The following TAF6 variants were observed in gnomAD, a reference collection of about 807,000 sequenced individuals.
TAF6 encodes TATA-box binding protein associated factor 6.
In TAF6, 50 loss-of-function variants were observed where a neutral mutation model predicts 73.5. The observed-to-expected ratio is 0.68, with a 90% CI of 0.54 to 0.86. The LOEUF (loss-of-function observed/expected upper bound fraction) is 0.86, where lower values mean the gene tolerates loss of function less well. Among genes scored for constraint, TAF6 ranks in the 40% least tolerant of loss-of-function variants. TAF6 has a pLI of 0.00. For synonymous variants in TAF6, 424 were observed against 376.7 expected, an observed-to-expected ratio of 1.13 and a Z score of -1.45; for missense variants, 768 against 899.5, an observed-to-expected ratio of 0.85 and a Z score of 1.87.
chr7:100,116,771 C>T (rs1797709987), intron 1 of TAF6: 1 of 152,234 alleles, frequency 6.6e-6, no homozygotes, highest in Admixed American at 6.6e-5. Flanking sequence ...CAGACACATA[C>T]ATTCCTTCTG....
chr7:100,117,221 G>A (rs1191654816), intron 1 of TAF6, among the ~76,000 whole-genome samples: 1 of 151,716 alleles, frequency 6.6e-6, no homozygotes, highest in Non-Finnish European at 1.5e-5. Context: ...ACTCCAGCCT[G>A]GCAACAGAGT....
upstream of TAF6, chr7:100,124,727 T>A: frequency 6.2e-7 from 1 of 1,613,754 alleles, no homozygotes; most frequent in Non-Finnish European, 8.5e-7. Context: ...CGATCTAGCA[T>A]GTCTACAGGA....
chr7:100,119,555 G>A, upstream of TAF6: 1 of 1,400,664 alleles, frequency 7.1e-7, no homozygotes, highest in South Asian at 1.4e-5. Flanking sequence ...ACCTTCAAGA[G>A]GCGCCACAAA....
chr7:100,113,521 C>T (rs1797392636), intron 4 of TAF6, 95 bp downstream of exon 4: 2 of 1,550,716 alleles, frequency 1.3e-6, no homozygotes, highest in East Asian at 2.3e-5. Flanking sequence ...AGGGATCTCA[C>T]ACTGAGCTTT....
In TAF6 at chr7:100,111,295, C is replaced by T. The variant is rs1055753704; in HGVS notation, c.927G>A (p.Met309Ile). 4.3e-6 allele frequency: 7 copies of T among 1,613,922 alleles called. No individual in the cohort carries two copies. The highest frequency in any genetic ancestry group is 5.9e-6 in the Non-Finnish European group (7 of 1,179,940). The change falls in exon 10 of 15, where the codon ATG (methionine) becomes ATA (isoleucine). Residue 309 changes from methionine (M) to isoleucine (I), a missense_variant. Physicochemically the swap from Met to Ile is conservative, Grantham distance 10. Transcript: ENST00000453269. ...KYVHELIPAV[M>I]TCIVSRQLCL... is the part of the protein sequence containing the mutation. ...ACAACTGTCTGCTCACGATGCAGGT[C>T]ATCACAGCTGGAATCAGCTCATGGA...
intron 1 of TAF6, among the ~76,000 whole-genome samples, chr7:100,116,975 C>T (rs1797721123): frequency 6.6e-6 from 1 of 152,126 alleles, no homozygotes; most frequent in South Asian, 2.1e-4. Flanking sequence ...GGGCATGGCG[C>T]AGTGGCTCAC....
chr7:100,107,917 T>C lies in TAF6; in HGVS notation c.1656+9A>G. ...CTCCAGATGCTCCCTGTCCCACAGCTCTGCATACCTGCTGGGTGGATGGGG... is the reference window on the plus strand; with the variant it reads ...CTCCAGATGCTCCCTGTCCCACAGCCCTGCATACCTGCTGGGTGGATGGGG... On this transcript the variant is annotated intron_variant, in intron 14 of 14. Coordinates refer to ENST00000453269, the MANE Select transcript of TAF6 (RefSeq NM_139315.3). The C allele has an allele frequency of 6.3e-7, 1 of 1,599,758 alleles. No homozygotes were observed. Among genetic ancestry groups the C allele is most frequent in the Non-Finnish European group, 8.5e-7 (1 of 1,171,474 alleles).
upstream of TAF6, chr7:100,124,337 A>C: frequency 1.7e-6 from 1 of 574,444 alleles, no homozygotes; most frequent in Non-Finnish European, 3.1e-6. Flanking sequence ...TCTACTTGGC[A>C]GAATAGGTGC....
intron 6 of TAF6, 67 bp downstream of exon 6, chr7:100,112,731 G>T (rs568561503): frequency 4.0e-6 from 6 of 1,497,526 alleles, no homozygotes; most frequent in Non-Finnish European, 1.8e-6. Context: ...AAAAAAAAAG[G>T]AAACAAAACA....
intron 12 of TAF6, 66 bp downstream of exon 12, chr7:100,109,882 G>A: frequency 1.3e-6 from 2 of 1,592,838 alleles, no homozygotes; most frequent in African/African-American, 1.3e-5. Context: ...AATAAAATAT[G>A]CCATATGCTT....
intron 6 of TAF6, 131 bp from the exon 7 acceptor site, chr7:100,112,384 T>A: frequency 7.6e-7 from 1 of 1,319,808 alleles, no homozygotes; most frequent in Non-Finnish European, 1.0e-6. Flanking sequence ...CCATCCTTTC[T>A]GGGGCTCTGG....
At chr7:100,125,962 G>A in the TAF6 span, among the ~76,000 whole-genome samples, 3 of 152,218 alleles carry the variant, frequency 2.0e-5, no homozygotes, top group Non-Finnish European at 4.4e-5. Flanking sequence ...CAAGGCGGGT[G>A]GATAACAAGA....
At chr7:100,118,871 G>T (rs547334124) in intron 1 of TAF6, 20 of 985,056 alleles carry the variant, frequency 2.0e-5, no homozygotes, top group Non-Finnish European at 2.3e-5. Context: ...ACAACTATTC[G>T]AGACATACTC....
Position 100,107,338 on chromosome 7 carries a change from G to C in TAF6, c.1942C>G (p.Gln648Glu), listed in dbSNP as rs1401686223. ...GGAGGGGGACTGTCCCCAGCCTCCTGCTTCCCCCCACAAAGGGCACTGCCG... is the reference window on the plus strand; with the variant it reads ...GGAGGGGGACTGTCCCCAGCCTCCTCCTTCCCCCCACAAAGGGCACTGCCG... ...LSGSALCGGK[Q>E]EAGDSPPPAP... Residue 648 changes from glutamine to glutamate, a missense_variant, in exon 15 of 15, where the codon CAG becomes GAG. Around this residue, in one of 5 missense-constraint regions of TAF6, gnomAD observed 350 missense variants for 352.3 expected, o/e 0.99. Transcript: ENST00000453269. 1.9e-6 allele frequency: 3 copies of C among 1,547,260 alleles called. No individual in the cohort carries two copies. Among genetic ancestry groups the C allele is most frequent in the Non-Finnish European group, 2.6e-6 (3 of 1,145,994 alleles).
chr7:100,110,979 CAAA>C (rs11367015), intron 10 of TAF6, among the ~76,000 whole-genome samples, 157 bp downstream of exon 10: 13 of 129,834 alleles, frequency 1.0e-4, no homozygotes, highest in Admixed American at 3.1e-4. Flanking sequence ...GACTCCATCT[CAAA>C]AAAAAAAAAA....
upstream of TAF6, chr7:100,122,196 G>A: frequency 1.2e-6 from 2 of 1,601,616 alleles, no homozygotes. Context: ...CAGGTCATCT[G>A]CAGAATGAAT....
In TAF6 at chr7:100,109,938, C is replaced by T. The variant is rs754204185; in HGVS notation, c.1284+10G>A. 6.2e-6 allele frequency: 10 copies of T among 1,613,792 alleles called. No homozygotes were observed. The highest frequency in any genetic ancestry group is 1.1e-5 in the South Asian group (1 of 91,034). On this transcript the variant is annotated intron_variant, in intron 12 of 14. Transcript: ENST00000453269. The stretch of plus-strand genomic sequence containing the variant: ...CAGTGGGCAGGTGTGGGGACAGGGG[C>T]TTCAGTCACCAGCAGGAGGCTCTGC...
At chr7:100,117,367 A>AT (rs566682849) in intron 1 of TAF6, among the ~76,000 whole-genome samples, 176 of 147,790 alleles carry the variant, frequency 1.2e-3, no homozygotes, top group African/African-American at 4.1e-3. Flanking sequence ...CGCCTCCCAG[A>AT]TTCAAGCAAT....
At chr7:100,119,133 C>G in intron 1 of TAF6, 71 bp downstream of exon 1, 1 of 986,750 alleles carries the variant, frequency 1.0e-6, no homozygotes, top group South Asian at 4.6e-5. Flanking sequence ...AGAGCCCACC[C>G]CATCTCCTGC....
Sources: gnomAD v4.1 joint callset for allele counts (sites outside exome capture counted in the v4.1 genomes callset) on GRCh38, gnomAD v4.1.1 for gene constraint, gnomAD v4.1.1 regional missense constraint, MANE v1.5 for transcripts, NCBI Gene and HGNC (gene_info 2026-07-23, HGNC 2026-07-21) for gene names.